The following CKAP5 variants were observed in gnomAD, a reference collection of about 807,000 sequenced individuals.
The protein encoded by CKAP5 is cytoskeleton-associated protein 5.
A neutral mutation model predicts 232.8 loss-of-function variants in CKAP5; 27 were observed. That is an observed-to-expected ratio of 0.12 (90% CI 0.09 to 0.16). The LOEUF (loss-of-function observed/expected upper bound fraction) is 0.16, where lower values mean the gene tolerates loss of function less well. Among genes scored for constraint, CKAP5 ranks in the 10% least tolerant of loss-of-function variants. CKAP5 has a pLI of 1.00. For synonymous variants in CKAP5, 785 were observed against 841.1 expected (o/e 0.93, Z 1.16); for missense variants, 1,838 against 2,424.7 (o/e 0.76, Z 5.08).
At chr11:46,750,488 T>TTTC (rs780864747) in intron 41 of CKAP5, 40 bp downstream of exon 41, 228 of 1,612,346 alleles carry the variant, frequency 1.4e-4, no homozygotes, top group Middle Eastern at 1.2e-3. Flanking sequence ...CCCTTTACCA[T>TTTC]AAAGCAGACC....
intron 35 of CKAP5, 54 bp from the exon 36 acceptor site, chr11:46,755,121 C>A: frequency 7.3e-7 from 1 of 1,374,464 alleles, no homozygotes; most frequent in Non-Finnish European, 9.9e-7. Context: ...TCTAAAATAG[C>A]GGAAGACACT....
intron 12 of CKAP5, 121 bp downstream of exon 12, chr11:46,796,691 T>C (rs1021382964): frequency 2.0e-5 from 22 of 1,126,048 alleles, no homozygotes; most frequent in Non-Finnish European, 2.5e-5. Context: ...AATGGCAATT[T>C]AAAAAAAATC....
At chr11:46,750,196 T>C (rs1209002057) in intron 42 of CKAP5, 78 bp downstream of exon 42, 1 of 1,443,776 alleles carries the variant, frequency 6.9e-7, no homozygotes, top group African/African-American at 1.4e-5. Flanking sequence ...GATATGAATT[T>C]AAACTAACCA....
At chr11:46,758,529 T>C (rs984576294) in intron 35 of CKAP5, among the ~76,000 whole-genome samples, 3 of 152,054 alleles carry the variant, frequency 2.0e-5, no homozygotes, top group Non-Finnish European at 2.9e-5. Flanking sequence ...ATCAATGCAA[T>C]TATAAAAAAT....
intron 1 of CKAP5, among the ~76,000 whole-genome samples, chr11:46,822,607 C>T (rs1354024185): frequency 9.2e-5 from 14 of 151,482 alleles, no homozygotes; most frequent in Admixed American, 5.9e-4. Flanking sequence ...AAAAATTAGC[C>T]GGGCTTGGTG....
intron 13 of CKAP5, among the ~76,000 whole-genome samples, chr11:46,792,749 T>C (rs1182092413): frequency 1.3e-5 from 2 of 152,122 alleles, no homozygotes; most frequent in African/African-American, 4.8e-5. Context: ...TAAGAGAAGG[T>C]CAGCCAGCAT....
chr11:46,840,936 C>T (rs972618365), intron 1 of CKAP5, among the ~76,000 whole-genome samples: 1 of 152,134 alleles, frequency 6.6e-6, no homozygotes, highest in African/African-American at 2.4e-5. Context: ...TGGGACTAAA[C>T]CCTCAACCTG....
chr11:46,754,873 CAGAG>C lies in CKAP5; in HGVS notation c.4869+11_4869+14del. The C allele has an allele frequency of 6.2e-7, 1 of 1,605,370 alleles. No homozygotes were observed. Among genetic ancestry groups the C allele is most frequent in the Non-Finnish European group, 8.5e-7 (1 of 1,175,202 alleles). ...AGATTGATGGGAAGCTGAAATTCTG[CAGAG>C]GTGCCCTTACCGAAATCATGTTGCC... On this transcript the variant is annotated intron_variant, in intron 36 of 43. Transcript: ENST00000529230.
At chr11:46,750,183 A>G in intron 42 of CKAP5, 91 bp downstream of exon 42, 1 of 1,293,350 alleles carries the variant, frequency 7.7e-7, no homozygotes, top group Non-Finnish European at 1.1e-6. Context: ...ATTGAGGTTC[A>G]TGGATATGAA....
At chr11:46,810,720 A>G (rs1020375558) in intron 5 of CKAP5, among the ~76,000 whole-genome samples, 2 of 152,212 alleles carry the variant, frequency 1.3e-5, no homozygotes, top group Admixed American at 1.3e-4. Context: ...AGTAAGTCCC[A>G]CTTTTTAAGA....
Position 46,777,547 on chromosome 11 carries a change from C to G in CKAP5, c.2754G>C (p.Gln918His). The change falls in exon 23 of 44, where the codon CAG (glutamine) becomes CAC (histidine). Residue 918 changes from glutamine (Q) to histidine (H), a missense_variant. Gln to His is a conservative substitution (Grantham distance 24). Coordinates refer to ENST00000529230, the MANE Select transcript of CKAP5 (RefSeq NM_001008938.4). ...RLNDSNKILV[Q>H]QTLNILQQLA... ...GTTGTTGCAGGATATTCAGCGTTTG[C>G]TGTACCTGAGTGGAAAGAGCCAATA... The G allele has an allele frequency of 6.2e-7, 1 of 1,607,574 alleles. No individual in the cohort carries two copies. Among genetic ancestry groups the G allele is most frequent in the African/African-American group, 1.3e-5 (1 of 74,916 alleles).
Position 46,760,550 on chromosome 11 carries a change from C to G in CKAP5, c.4394+62G>C, listed in dbSNP as rs142342256. ...ACTCAAGATTATGTTACAGGACAGGCTGTGAGCACACAAGGCAAAGGCCAT... is the reference window on the plus strand; with the variant it reads ...ACTCAAGATTATGTTACAGGACAGGGTGTGAGCACACAAGGCAAAGGCCAT... On this transcript the variant is annotated intron_variant, in intron 33 of 43. Coordinates refer to ENST00000529230, the MANE Select transcript of CKAP5 (RefSeq NM_001008938.4). 4,350 of 1,517,708 alleles carry G rather than the reference C, an allele frequency of 2.9e-3. 22 individuals carry two copies. The highest frequency in any genetic ancestry group is 3.0e-3 in the Non-Finnish European group (3,264 of 1,099,666). The allele number at this position is 1,517,708 out of a possible 1,614,324, so 94.0% of individuals were successfully genotyped here.
chr11:46,784,396 G>C, intron 17 of CKAP5, 92 bp downstream of exon 17: 1 of 1,020,306 alleles, frequency 9.8e-7, no homozygotes, highest in Non-Finnish European at 1.5e-6. Flanking sequence ...GATTTTACTT[G>C]AGAAGATAAA....
intron 35 of CKAP5, 121 bp downstream of exon 35, chr11:46,758,802 G>A (rs1358780199): frequency 6.2e-6 from 7 of 1,123,294 alleles, no homozygotes; most frequent in Admixed American, 2.5e-5. Flanking sequence ...TTCTTTCCTC[G>A]GGAAAGTATG....
chr11:46,762,253 C>G (rs556767006), intron 31 of CKAP5, 60 bp from the exon 32 acceptor site: 1 of 1,520,116 alleles, frequency 6.6e-7, no homozygotes, highest in East Asian at 2.3e-5. Context: ...GAGACTTATC[C>G]TTACTAGAGA....
Position 46,795,752 on chromosome 11 carries a change from C to T in CKAP5, c.1492G>A (p.Glu498Lys). Residue 498 changes from glutamate to lysine, a missense_variant, in exon 13 of 44, where the codon GAA becomes AAA. Transcript: ENST00000529230. Reference protein sequence around the residue: ...DKIKECSEKVELIHGKKAGLA... With the variant: ...DKIKECSEKVKLIHGKKAGLA... Reference sequence around the variant, plus strand: ...CCAGCTTTCTTACCATGTATCAGTTCTACCTTTTCTGAACATTCTTTGATC... The same window carrying T: ...CCAGCTTTCTTACCATGTATCAGTTTTACCTTTTCTGAACATTCTTTGATC... 1 of 1,613,572 alleles carries T rather than the reference C, an allele frequency of 6.2e-7. No homozygotes were observed. The highest frequency in any genetic ancestry group is 8.5e-7 in the Non-Finnish European group (1 of 1,179,844).
chr11:46,750,999 C>A (rs1198559703), intron 40 of CKAP5, 119 bp downstream of exon 40: 2 of 1,164,970 alleles, frequency 1.7e-6, no homozygotes, highest in Non-Finnish European at 2.5e-6. Flanking sequence ...ACTGATTCAA[C>A]CAGTCCATGA....
chr11:46,747,757 T>C (rs1013865235), intron 42 of CKAP5, among the ~76,000 whole-genome samples: 2 of 151,974 alleles, frequency 1.3e-5, no homozygotes, highest in African/African-American at 4.8e-5. Context: ...GCCTGGTGTG[T>C]TCCAGAAACA....
chr11:46,744,832 G>T (rs1184439033), intron 42 of CKAP5, among the ~76,000 whole-genome samples: 2 of 152,180 alleles, frequency 1.3e-5, no homozygotes, highest in Non-Finnish European at 2.9e-5. Flanking sequence ...GGGTTATGCA[G>T]GGGATTGTAC....
Sources: allele counts gnomAD v4.1 joint callset (sites outside exome capture counted in the v4.1 genomes callset), GRCh38; gene constraint gnomAD v4.1.1; transcripts MANE v1.5; gene names NCBI Gene and HGNC (gene_info 2026-07-23, HGNC 2026-07-21).